The following GRID2 variants were observed in gnomAD, a reference collection of about 807,000 sequenced individuals.
GRID2 encodes glutamate ionotropic receptor delta type subunit 2, also known as glutamate receptor ionotropic, delta-2.
Under a neutral mutation model 114.8 loss-of-function variants are expected in GRID2, and 33 were observed. The observed-to-expected ratio is 0.29, with a 90% confidence interval of 0.22 to 0.38. The LOEUF (loss-of-function observed/expected upper bound fraction) is 0.38, where lower values mean the gene tolerates loss of function less well. Ranked by LOEUF, GRID2 falls within the 10% of genes least tolerant of loss-of-function variation. GRID2 has a pLI of 1.00. For missense variants in GRID2, 1,184 were observed against 1,257.7 expected (o/e 0.94, Z 0.89); for synonymous variants, 505 against 449.9 (o/e 1.12, Z -1.55).
At chr4:92,658,731 T>C (rs1732365775) in intron 2 of GRID2, among the ~76,000 whole-genome samples, 1 of 151,222 alleles carries the variant, frequency 6.6e-6, no homozygotes, top group African/African-American at 2.4e-5. Flanking sequence ...ACACCATTCC[T>C]TTTATTAGAA....
chr4:93,078,294 C>T (rs1205053434), intron 2 of GRID2, among the ~76,000 whole-genome samples: 1 of 152,074 alleles, frequency 6.6e-6, no homozygotes, highest in Non-Finnish European at 1.5e-5. Flanking sequence ...AAAGGCTTCC[C>T]CAATCTCTAG....
At chr4:92,826,583 G>A (rs1578248371) in intron 2 of GRID2, among the ~76,000 whole-genome samples, 1 of 151,992 alleles carries the variant, frequency 6.6e-6, no homozygotes. Flanking sequence ...ATAGTACCTA[G>A]GACTCAGAAG....
intron 2 of GRID2, among the ~76,000 whole-genome samples, chr4:92,605,100 C>A (rs746527057): frequency 6.6e-6 from 1 of 152,028 alleles, no homozygotes; most frequent in Non-Finnish European, 1.5e-5. Context: ...TTTCCTGAAG[C>A]CTTTCCCAGC....
chr4:92,420,832 G>A (rs183155953), intron 1 of GRID2, among the ~76,000 whole-genome samples: 19 of 152,134 alleles, frequency 1.2e-4, no homozygotes, highest in Non-Finnish European at 2.1e-4. Flanking sequence ...TTACAGGCAC[G>A]TGCCATCATG....
intron 2 of GRID2, among the ~76,000 whole-genome samples, chr4:92,687,337 T>G (rs879462513): frequency 6.6e-6 from 1 of 152,128 alleles, no homozygotes; most frequent in Non-Finnish European, 1.5e-5. Context: ...ATAACCTGTA[T>G]ATATATGTAG....
At position 93,434,035 on chromosome 4, in the gene GRID2, G is replaced by C. The variant is rs138983620; in HGVS notation, c.1545+11067G>C. ...TACTGTTGACACATTTAATACCCAT[G>C]TGAGCCTAAAAGAGTTTTGAATCCT... On this transcript the variant is annotated intron_variant, in intron 10 of 15. Coordinates refer to ENST00000282020, the MANE Select transcript of GRID2 (RefSeq NM_001510.4). Among the ~76,000 whole-genome samples the C allele has an allele frequency of 2.0e-5, 3 of 152,268 alleles. No homozygotes were observed. In the East Asian group the frequency reaches 5.8e-4, roughly 29 times the overall value.
chr4:93,712,840 G>T (rs1208596329), intron 14 of GRID2, among the ~76,000 whole-genome samples: 2 of 152,056 alleles, frequency 1.3e-5, no homozygotes, highest in Non-Finnish European at 2.9e-5. Flanking sequence ...CTTATTATAA[G>T]TTTTTTATTT....
chr4:92,453,505 AT>A (rs1721056621), intron 1 of GRID2, among the ~76,000 whole-genome samples: 1 of 152,166 alleles, frequency 6.6e-6, no homozygotes, highest in African/African-American at 2.4e-5. Context: ...ACCGATGTAT[AT>A]TTATTGCACC....
chr4:92,902,235 A>G (rs537409309), intron 2 of GRID2, among the ~76,000 whole-genome samples: 1 of 152,026 alleles, frequency 6.6e-6, no homozygotes, highest in Non-Finnish European at 1.5e-5. Flanking sequence ...GAGTGTAGAG[A>G]TATTCATAGT....
At chr4:93,034,940 T>C (rs1724788270) in intron 2 of GRID2, among the ~76,000 whole-genome samples, 1 of 152,162 alleles carries the variant, frequency 6.6e-6, no homozygotes, top group South Asian at 2.1e-4. Flanking sequence ...TCAGTCGTTT[T>C]AAGAAACAAC....
At chr4:93,085,577 T>C (rs879372704) in intron 3 of GRID2, among the ~76,000 whole-genome samples, 5 of 152,176 alleles carry the variant, frequency 3.3e-5, no homozygotes, top group Admixed American at 3.3e-4. Flanking sequence ...TAATGGGAAT[T>C]TAGTCATAAA....
intron 2 of GRID2, among the ~76,000 whole-genome samples, chr4:92,826,468 T>C (rs936003568): frequency 6.6e-6 from 1 of 152,094 alleles, no homozygotes; most frequent in Non-Finnish European, 1.5e-5. Flanking sequence ...TTTCAGTTTT[T>C]AATTAATTAT....
At chr4:92,646,079 G>C (rs971117469) in intron 2 of GRID2, among the ~76,000 whole-genome samples, 8 of 146,464 alleles carry the variant, frequency 5.5e-5, no homozygotes, top group South Asian at 2.2e-4. Flanking sequence ...GAGAGTTCTC[G>C]TCGTACCACA....
intron 4 of GRID2, among the ~76,000 whole-genome samples, chr4:93,160,151 G>A (rs1737553955): frequency 6.6e-6 from 1 of 151,668 alleles, no homozygotes; most frequent in Non-Finnish European, 1.5e-5. Context: ...AAAACTGTAT[G>A]GATAATTCGT....
Position 93,411,949 on chromosome 4 carries a change from AAAAAAG to A in GRID2, c.1348-10816_1348-10811del, listed in dbSNP as rs536509535. On this transcript the variant is annotated intron_variant, in intron 9 of 15. Transcript: ENST00000282020. ...TTTTTGAATCTCTCTATTAAAAAAAAAAAAAGAAAAAAGAAAAAAACAAACCAATCC... is the reference window on the plus strand; with the variant it reads ...TTTTTGAATCTCTCTATTAAAAAAAAAAAAAAGAAAAAAACAAACCAATCC... Among the ~76,000 whole-genome samples, 517 of 151,800 alleles carry A rather than the reference AAAAAAG, an allele frequency of 3.4e-3. 5 individuals are homozygous for A. The highest frequency in any genetic ancestry group is 0.012 in the African/African-American group (492 of 41,470).
At chr4:92,437,539 G>A (rs1732794647) in intron 1 of GRID2, among the ~76,000 whole-genome samples, 1 of 152,206 alleles carries the variant, frequency 6.6e-6, no homozygotes, top group South Asian at 2.1e-4. Context: ...AAAGTGCTGG[G>A]ATTACAGGCG....
intron 7 of GRID2, among the ~76,000 whole-genome samples, chr4:93,235,634 A>C (rs1440665947): frequency 6.6e-6 from 1 of 152,124 alleles, no homozygotes; most frequent in Non-Finnish European, 1.5e-5. Context: ...TGACATCTTC[A>C]TGAGGGAAGG....
chr4:93,649,902 A>G (rs1404416139), intron 14 of GRID2, among the ~76,000 whole-genome samples: 1 of 152,164 alleles, frequency 6.6e-6, no homozygotes, highest in East Asian at 1.9e-4. Flanking sequence ...GTTTTGAATC[A>G]GGCACTATGA....
chr4:93,173,887 C>T (rs566060292), intron 4 of GRID2, among the ~76,000 whole-genome samples: 15 of 152,182 alleles, frequency 9.9e-5, no homozygotes, highest in Admixed American at 5.2e-4. Context: ...TGCCTTGGTG[C>T]GCTGGGATTA....
Sources: gnomAD v4.1 joint callset for allele counts (sites outside exome capture counted in the v4.1 genomes callset) on GRCh38, gnomAD v4.1.1 for gene constraint, MANE v1.5 for transcripts, NCBI Gene and HGNC (gene_info 2026-07-23, HGNC 2026-07-21) for gene names.